The following MGAM variants were observed in gnomAD, a reference collection of about 807,000 sequenced individuals.
MGAM encodes alpha-1,4-glucosidase.
In MGAM, 253 loss-of-function variants were observed where a neutral mutation model predicts 358.8. The ratio of observed to expected loss-of-function variants is 0.71; its 90% CI spans 0.64 to 0.78. The LOEUF (loss-of-function observed/expected upper bound fraction) is 0.78, where lower values mean the gene tolerates loss of function less well. Ranked by LOEUF, MGAM falls within the 30% of genes least tolerant of loss-of-function variation. The pLI, the probability that MGAM is intolerant of heterozygous loss-of-function variation, is 0.00. For synonymous variants in MGAM, 1,105 were observed against 1,227.1 expected, an observed-to-expected ratio of 0.90 and a Z score of 2.08; for missense variants, 3,080 against 3,432.6, an observed-to-expected ratio of 0.90 and a Z score of 2.57.
intron 30 of MGAM, 87 bp from the exon 31 acceptor site, chr7:142,058,116 G>A (rs1384627922): frequency 6.3e-7 from 1 of 1,583,448 alleles, no homozygotes; most frequent in Non-Finnish European, 8.6e-7. Flanking sequence ...CTAGCTTGGG[G>A]CACAGAAAAA....
chr7:142,042,807 A>C (rs1055947055), intron 21 of MGAM, among the ~76,000 whole-genome samples: 11 of 70,236 alleles, frequency 1.6e-4, no homozygotes, highest in Non-Finnish European at 2.8e-4. Flanking sequence ...TATAATATCT[A>C]AATATAATAT....
rs577621159 is a variant in MGAM, at chr7:142,094,680, G to GCCCC, written c.7341+27_7341+28insCCCC. 319 of 1,612,500 alleles carry GCCCC rather than the reference G, an allele frequency of 2.0e-4. 1 individual carries two copies. In the African/African-American group the frequency reaches 3.8e-3, roughly 19 times the overall value. ...GTGAGTGTCCTTGGGATCCTCCTAA[G>GCCCC]CACCAAGAAGGTGGGGACATCTTTC... On this transcript the variant is annotated intron_variant, in intron 62 of 70. Transcript: ENST00000475668.
At chr7:142,098,736 C>T (rs1291423063) in intron 66 of MGAM, among the ~76,000 whole-genome samples, 2 of 152,060 alleles carry the variant, frequency 1.3e-5, no homozygotes, top group African/African-American at 4.8e-5. Flanking sequence ...GGCCTTTGTC[C>T]TGAGTGTGCA....
intron 35 of MGAM, among the ~76,000 whole-genome samples, chr7:142,063,216 C>A (rs1455160619): frequency 4.7e-5 from 7 of 148,772 alleles, no homozygotes; most frequent in Admixed American, 6.7e-5. Flanking sequence ...AAAACAAAAC[C>A]AAAAAAAAAA....
chr7:142,040,703 A>T lies in MGAM; in HGVS notation c.2374-19A>T. 6.2e-7 allele frequency: 1 copy of T among 1,611,700 alleles called. No homozygotes were observed. The highest frequency in any genetic ancestry group is 1.1e-5 in the South Asian group (1 of 90,706). Reference sequence around the variant, plus strand: ...ATATGCTGTCATGCCAATGTGTTTGATTTATCTGCATGCATCAGGGGAGCC... The same window carrying T: ...ATATGCTGTCATGCCAATGTGTTTGTTTTATCTGCATGCATCAGGGGAGCC... On this transcript the variant is annotated intron_variant, in intron 20 of 70. Transcript: ENST00000475668.
chr7:142,098,644 G>A (rs1816163553), intron 66 of MGAM, among the ~76,000 whole-genome samples: 1 of 152,098 alleles, frequency 6.6e-6, no homozygotes, highest in Admixed American at 6.5e-5. Context: ...CCCTTAGGGT[G>A]GTAACATGTT....
At chr7:142,092,842 G>T (rs908238229) in intron 59 of MGAM, among the ~76,000 whole-genome samples, 2 of 146,576 alleles carry the variant, frequency 1.4e-5, no homozygotes, top group African/African-American at 2.4e-5. Flanking sequence ...CTTACGAGTG[G>T]TCATGCCACC....
At chr7:142,002,144 CAT>C (rs1554450854) in intron 1 of MGAM, among the ~76,000 whole-genome samples, 2 of 152,134 alleles carry the variant, frequency 1.3e-5, no homozygotes, top group African/African-American at 4.8e-5. Context: ...ATGTTTAGCA[CAT>C]GTGTCTTTTG....
Position 142,065,927 on chromosome 7 carries a change from A to G in MGAM, c.4770+96A>G, listed in dbSNP as rs893917789. 1.1e-5 allele frequency: 11 copies of G among 998,580 alleles called. 1 individual carries two copies. The Admixed American group carries it at 2.4e-4, about 22-fold the overall frequency. The allele number at this position is 998,580 out of a possible 1,614,324, so 61.9% of individuals were successfully genotyped here. On this transcript the variant is annotated intron_variant, in intron 40 of 70. Coordinates refer to ENST00000475668, the MANE Select transcript of MGAM (RefSeq NM_001365693.1). ...TAATGCAGTCTCTATTTCCTGGGAT[A>G]TCTTTAAAAAAAGGTGTTTTTTTTT...
At chr7:142,088,656 G>GTCTA (rs35627220) in intron 57 of MGAM, among the ~76,000 whole-genome samples, 21,793 of 125,724 alleles carry the variant, frequency 0.17, 3,301 homozygotes, top group East Asian at 0.27. Flanking sequence ...CTATCTGTCT[G>GTCTA]TCTATCTATC....
chr7:142,005,392 T>G, intron 1 of MGAM, 137 bp from the exon 2 acceptor site: 1 of 613,340 alleles, frequency 1.6e-6, no homozygotes, highest in South Asian at 2.5e-5. Context: ...AGCTGATAAT[T>G]TTTTAATTTA....
intron 31 of MGAM, among the ~76,000 whole-genome samples, chr7:142,059,062 T>C (rs1811834344): frequency 6.6e-6 from 1 of 152,228 alleles, no homozygotes; most frequent in African/African-American, 2.4e-5. Context: ...TGCTTTGTTT[T>C]GTAGTAGATT....
chr7:142,076,735 T>C lies in MGAM; in HGVS notation c.5402T>C (p.Leu1801Pro), dbSNP rs1257763828. Residue 1801 changes from leucine (L) to proline (P), a missense_variant, in exon 47 of 71, where the codon CTT becomes CCT. Physicochemically the swap from Leu to Pro is moderately conservative, Grantham distance 98 (BLOSUM62 -3). Around this residue, in one of 5 missense-constraint regions of MGAM, gnomAD observed 932 missense variants for 1,198.2 expected, o/e 0.78. Transcript: ENST00000475668. ...NNLAFNEIKI[L>P]GMEEPSNVTV... ...TTAGCATTCAATGAGATTAAAATTCTTGGGATGGAGGAACCTAGCAATGTT... is the reference window on the plus strand; with the variant it reads ...TTAGCATTCAATGAGATTAAAATTCCTGGGATGGAGGAACCTAGCAATGTT... 2 of 1,553,610 alleles carry C rather than the reference T, an allele frequency of 1.3e-6. No homozygotes were observed. The highest frequency in any genetic ancestry group is 1.7e-5 in the Admixed American group (1 of 58,416).
In MGAM at chr7:142,078,897, A is replaced by G; in HGVS notation, c.5736A>G (p.Thr1912=). The change falls in exon 49 of 71, where the codon ACA becomes ACG. Residue 1912 remains threonine, a synonymous_variant. Coordinates refer to ENST00000475668, the MANE Select transcript of MGAM (RefSeq NM_001365693.1). ...SDVQYNSHGA[T]ADISLKSSVH... is the part of the protein sequence containing the mutation. ...TTCAGTATAACTCCCATGGGGCCAC[A>G]GCTGACATCTCCTTAAAGTCTTCTG... The G allele has an allele frequency of 6.4e-7, 1 of 1,555,718 alleles. No individual in the cohort carries two copies. Among genetic ancestry groups the G allele is most frequent in the East Asian group, 2.3e-5 (1 of 43,948 alleles).
At chr7:142,103,179 C>A in intron 69 of MGAM, 90 bp from the exon 70 acceptor site, 1 of 1,101,886 alleles carries the variant, frequency 9.1e-7, no homozygotes, top group Non-Finnish European at 1.3e-6. Context: ...AGTTGTCTTA[C>A]TTTATGACCT....
In MGAM at chr7:142,091,162, G is replaced by A. The variant is rs562316897; in HGVS notation, c.6811-751G>A. Among the ~76,000 whole-genome samples, 73 of 143,356 alleles carry A rather than the reference G, an allele frequency of 5.1e-4. 6 individuals carry two copies. The highest frequency in any genetic ancestry group is 1.6e-3 in the African/African-American group (63 of 40,632). 94.0% of individuals were successfully genotyped at this position (143,356 alleles called of 152,430 possible). On this transcript the variant is annotated intron_variant, in intron 57 of 70. Coordinates refer to ENST00000475668, the MANE Select transcript of MGAM (RefSeq NM_001365693.1). ...CTCAGGAGGCTGAGGCAAAAGAATC[G>A]CGAGAACCTGGAAGGCAGAGGTTTC...
rs1333106965 is a variant in MGAM, at chr7:142,062,611, C to T, written c.4166C>T (p.Ser1389Leu). The change falls in exon 35 of 71, where the codon TCA (serine) becomes TTA (leucine). Residue 1389 changes from serine to leucine, a missense_variant. Coordinates refer to ENST00000475668, the MANE Select transcript of MGAM (RefSeq NM_001365693.1). ...GCCTTCCCAGACTTTTTCCGTAATT[C>T]AACTGCCAAGTGGTGGAAGAGGGAA... The part of the protein sequence containing the change: ...YVAFPDFFRN[S>L]TAKWWKREIE... 1.9e-6 allele frequency: 3 copies of T among 1,610,664 alleles called. No homozygotes were observed. The highest frequency in any genetic ancestry group is 2.7e-5 in the African/African-American group (2 of 74,746).
chr7:142,063,511 C>T lies in MGAM; in HGVS notation c.4270C>T (p.Pro1424Ser). Residue 1424 changes from proline (P) to serine (S), a missense_variant, in exon 36 of 71, where the codon CCA (proline) becomes TCA (serine). Coordinates refer to ENST00000475668, the MANE Select transcript of MGAM (RefSeq NM_001365693.1). ...TTGGCATTTCTAGGATATGAATGAA[C>T]CATCAAGCTTCGTGAATGGGGCAGT... Reference protein sequence around the residue: ...FDGMWIDMNEPSSFVNGAVSP... With the variant: ...FDGMWIDMNESSSFVNGAVSP... 6.2e-7 allele frequency: 1 copy of T among 1,613,570 alleles called. No homozygotes were observed. Among genetic ancestry groups the T allele is most frequent in the Non-Finnish European group, 8.5e-7 (1 of 1,179,720 alleles).
chr7:142,031,124 T>G (rs1441584784), intron 12 of MGAM, among the ~76,000 whole-genome samples: 1 of 152,198 alleles, frequency 6.6e-6, no homozygotes, highest in Non-Finnish European at 1.5e-5. Context: ...CCAGCGGAAC[T>G]GTTTCATACC....
Sources: gnomAD v4.1 joint callset for allele counts (sites outside exome capture counted in the v4.1 genomes callset) on GRCh38, gnomAD v4.1.1 for gene constraint, gnomAD v4.1.1 regional missense constraint, MANE v1.5 for transcripts, NCBI Gene and HGNC (gene_info 2026-07-23, HGNC 2026-07-21) for gene names.